The following ADGRL1 variants were observed in gnomAD, a reference collection of about 807,000 sequenced individuals.
ADGRL1 encodes the protein CIRL-1.
ADGRL1 carries 31 observed loss-of-function variants against 148.9 expected under a neutral mutation model. The observed-to-expected ratio is 0.21, with a 90% CI of 0.16 to 0.28. The LOEUF (loss-of-function observed/expected upper bound fraction) is 0.28. Ranked by LOEUF, ADGRL1 falls within the 10% of genes least tolerant of loss-of-function variation. The pLI is 1.00. For missense variants in ADGRL1, 1,521 were observed against 2,058.8 expected, an observed-to-expected ratio of 0.74 and a Z score of 5.05; for synonymous variants, 937 against 900.3, an observed-to-expected ratio of 1.04 and a Z score of -0.73.
In ADGRL1 at chr19:14,157,792, CTGGT is replaced by C. The variant is rs886393632; in HGVS notation, c.2535+86_2535+89del. On this transcript the variant is annotated intron_variant, in intron 13 of 22. Coordinates refer to ENST00000361434, the MANE Select transcript of ADGRL1 (RefSeq NM_014921.5). This position sits in a 1 kb window ranked among gnomAD's most constrained non-coding sequence, Gnocchi z 7.5. ...CCCACACCCATGGGGCTAGCCTCCC[CTGGT>C]ACTGCCCGTGATCTCTCTAGGATGC... 4.8e-5 allele frequency: 72 copies of C among 1,486,412 alleles called. 1 individual carries two copies. Among genetic ancestry groups the C allele is most frequent in the South Asian group, 2.9e-4 (22 of 76,904 alleles). 92.1% of individuals were successfully genotyped at this position (1,486,412 alleles called of 1,614,324 possible).
At chr19:14,177,826 C>T in intron 2 of ADGRL1, 82 bp from the exon 3 acceptor site, 2 of 1,293,538 alleles carry the variant, frequency 1.5e-6, no homozygotes, top group Non-Finnish European at 2.1e-6. Context: ...GAAAACACCA[C>T]CTCTGGCTCG....
At position 14,163,163 on chromosome 19, in the gene ADGRL1, A is replaced by C. The variant is rs748302525; in HGVS notation, c.638T>G (p.Val213Gly). Residue 213 changes from valine (V) to glycine (G), a missense_variant, in exon 5 of 23, where the codon GTC (valine) becomes GGC (glycine). By Grantham distance (109) the Val-to-Gly change is moderately radical (BLOSUM62 -3). Around this residue, in one of 8 missense-constraint regions of ADGRL1, gnomAD observed 334 missense variants for 512.5 expected, o/e 0.65. Coordinates refer to ENST00000361434, the MANE Select transcript of ADGRL1 (RefSeq NM_014921.5). Reference protein sequence around the residue: ...PNRVDGTGFVVYDGAVFYNKE... With the variant: ...PNRVDGTGFVGYDGAVFYNKE... Reference sequence around the variant, plus strand: ...GTTGTAGAAGACGGCACCATCGTAGACCACAAAGCCTGTGCCATCCACGCG... The same window carrying C: ...GTTGTAGAAGACGGCACCATCGTAGCCCACAAAGCCTGTGCCATCCACGCG... 1.2e-6 allele frequency: 2 copies of C among 1,613,876 alleles called. No individual in the cohort carries two copies. Among genetic ancestry groups the C allele is most frequent in the Admixed American group, 1.7e-5 (1 of 60,018 alleles).
intron 1 of ADGRL1, among the ~76,000 whole-genome samples, chr19:14,196,029 A>G (rs1599517002): frequency 6.6e-6 from 1 of 151,542 alleles, no homozygotes; most frequent in Admixed American, 6.6e-5. Context: ...GAGTCCACTC[A>G]CCTCTCGCCA....
At chr19:14,187,664 C>CCCG (rs1416387265) in intron 1 of ADGRL1, among the ~76,000 whole-genome samples, 2 of 151,506 alleles carry the variant, frequency 1.3e-5, no homozygotes, top group African/African-American at 4.9e-5. Flanking sequence ...AGCGTGTTAC[C>CCCG]CCGCCGCCGC....
At chr19:14,200,623 A>AT (rs1192927436) in intron 1 of ADGRL1, among the ~76,000 whole-genome samples, 1 of 152,056 alleles carries the variant, frequency 6.6e-6, no homozygotes, top group Admixed American at 6.6e-5. Flanking sequence ...TTACGTATAT[A>AT]TTTTTTTGAG....
chr19:14,161,229 G>T lies in ADGRL1; in HGVS notation c.1510+83C>A, dbSNP rs1969333573. 1 of 1,320,360 alleles carries T rather than the reference G, an allele frequency of 7.6e-7. No individual in the cohort carries two copies. Among genetic ancestry groups the T allele is most frequent in the Non-Finnish European group, 1.0e-6 (1 of 994,270 alleles). The allele number at this position is 1,320,360 out of a possible 1,614,324, so 81.8% of individuals were successfully genotyped here. On this transcript the variant is annotated intron_variant, in intron 6 of 22. Coordinates refer to ENST00000361434, the MANE Select transcript of ADGRL1 (RefSeq NM_014921.5). This position sits in a 1 kb window ranked among gnomAD's most constrained non-coding sequence, Gnocchi z 4.4. ...CAGAAAACCTCTGCTCCGCAGTAGA[G>T]ACCCCCACCCACACATGCATCTGTG...
At position 14,152,263 on chromosome 19, in the gene ADGRL1, C is replaced by T. The variant is rs1215446986; in HGVS notation, c.3649+46G>A. 6 of 1,610,654 alleles carry T rather than the reference C, an allele frequency of 3.7e-6. No homozygotes were observed. Among genetic ancestry groups the T allele is most frequent in the Non-Finnish European group, 5.1e-6 (6 of 1,177,676 alleles). On this transcript the variant is annotated intron_variant, in intron 21 of 22. Coordinates refer to ENST00000361434, the MANE Select transcript of ADGRL1 (RefSeq NM_014921.5). The surrounding 1 kb of genome is among the most constrained non-coding windows in gnomAD (Gnocchi z 6.1). ...TCCCATGCAGAGGTCCCTTGGGACA[C>T]AAACCCTCCATTTCCCAACCTGGGA... is the stretch of plus-strand genomic sequence containing the variant.
chr19:14,157,451 G>A lies in ADGRL1; in HGVS notation c.2545C>T (p.Arg849Cys), dbSNP rs748380369. Residue 849 changes from arginine to cysteine, a missense_variant, in exon 14 of 23, where the codon CGC becomes TGC. By Grantham distance (180) the Arg-to-Cys change is radical. Transcript: ENST00000361434. This position sits in a 1 kb window ranked among gnomAD's most constrained non-coding sequence, Gnocchi z 7.5. ...ACCGACAGCAGCAGCTCGTTGATGCGGCCCTGGTACTGGGGACAGGAACAG... is the reference window on the plus strand; with the variant it reads ...ACCGACAGCAGCAGCTCGTTGATGCAGCCCTGGTACTGGGGACAGGAACAG... ...LMAHREIYQG[R>C]INELLLSVIT... 1 of 1,613,966 alleles carries A rather than the reference G, an allele frequency of 6.2e-7. No homozygotes were observed. The highest frequency in any genetic ancestry group is 8.5e-7 in the Non-Finnish European group (1 of 1,179,998).
chr19:14,155,347 C>T lies in ADGRL1; in HGVS notation c.3294+12G>A. On this transcript the variant is annotated intron_variant, in intron 18 of 22. Transcript: ENST00000361434. The surrounding 1 kb of genome is among the most constrained non-coding windows in gnomAD (Gnocchi z 5.0). ...AGGGAGGCTGTGACCCAGGACCCCG[C>T]CTCGACCTCACCTTCTTCTGTAAGG... 1 of 1,612,918 alleles carries T rather than the reference C, an allele frequency of 6.2e-7. No individual in the cohort carries two copies. Among genetic ancestry groups the T allele is most frequent in the Non-Finnish European group, 8.5e-7 (1 of 1,179,276 alleles).
At chr19:14,198,504 T>C (rs1468098541) in intron 1 of ADGRL1, among the ~76,000 whole-genome samples, 1 of 152,046 alleles carries the variant, frequency 6.6e-6, no homozygotes, top group African/African-American at 2.4e-5. Context: ...TGGCCTCCCT[T>C]CCTGCCAACT....
chr19:14,196,167 G>A (rs546327461), intron 1 of ADGRL1, among the ~76,000 whole-genome samples: 11 of 152,302 alleles, frequency 7.2e-5, no homozygotes, highest in Non-Finnish European at 1.5e-4. Context: ...CTCGAGGCGA[G>A]AACAATCTTT....
Position 14,152,527 on chromosome 19 carries a change from G to A in ADGRL1, c.3510C>T (p.Thr1170=). The A allele has an allele frequency of 6.2e-7, 1 of 1,614,088 alleles. No individual in the cohort carries two copies. ...FMAGDINSTP[T]LNRGTMGNHL... ...AGGATGCCTTCTCACCTCGGTTCAG[G>A]GTGGGGGTGCTGTTGATGTCACCCG... is the stretch of plus-strand genomic sequence containing the variant. The change falls in exon 20 of 23, where the codon ACC becomes ACT. Residue 1170 remains threonine (T), a synonymous_variant. Coordinates refer to ENST00000361434, the MANE Select transcript of ADGRL1 (RefSeq NM_014921.5). The surrounding 1 kb of genome is among the most constrained non-coding windows in gnomAD (Gnocchi z 6.1).
intron 3 of ADGRL1, among the ~76,000 whole-genome samples, chr19:14,175,312 C>T (rs183428663): frequency 1.6e-3 from 236 of 152,248 alleles, no homozygotes; most frequent in African/African-American, 5.4e-3. Flanking sequence ...GTCAACCACA[C>T]ACAAACCCTC....
Position 14,158,459 on chromosome 19 carries a change from G to T in ADGRL1, c.2243C>A (p.Pro748Gln). ...ATVKLAGEAG[P>Q]GGPGGASLVV... ...TAGAGAGGCGCCCCCAGGGCCACCC[G>T]GGCCTGCTTCGCCGGCCAGCTTCAC... The change falls in exon 12 of 23, where the codon CCG becomes CAG. Residue 748 changes from proline to glutamine, a missense_variant. Physicochemically the swap from Pro to Gln is moderately conservative, Grantham distance 76. Coordinates refer to ENST00000361434, the MANE Select transcript of ADGRL1 (RefSeq NM_014921.5). 1 of 1,613,904 alleles carries T rather than the reference G, an allele frequency of 6.2e-7. No individual in the cohort carries two copies. Among genetic ancestry groups the T allele is most frequent in the Non-Finnish European group, 8.5e-7 (1 of 1,180,004 alleles).
chr19:14,204,753 A>G (rs1310343678), intron 1 of ADGRL1, among the ~76,000 whole-genome samples: 1 of 151,816 alleles, frequency 6.6e-6, no homozygotes, highest in Non-Finnish European at 1.5e-5. Context: ...AGACAGAGAG[A>G]GAGAGAGCGC....
chr19:14,177,459 G>A (rs368592903), intron 3 of ADGRL1, 72 bp downstream of exon 3: 37 of 1,352,098 alleles, frequency 2.7e-5, no homozygotes, highest in South Asian at 2.4e-4. Context: ...TAAGGTGAAC[G>A]GGTGTGCTGG....
At chr19:14,168,579 C>A (rs531238004) in intron 4 of ADGRL1, among the ~76,000 whole-genome samples, 2 of 151,694 alleles carry the variant, frequency 1.3e-5, no homozygotes, top group African/African-American at 4.9e-5. Flanking sequence ...AGCCCCTGGA[C>A]CACGCTCAGG....
chr19:14,197,479 A>G (rs981727823), intron 1 of ADGRL1, among the ~76,000 whole-genome samples: 1 of 151,812 alleles, frequency 6.6e-6, no homozygotes, highest in African/African-American at 2.4e-5. Flanking sequence ...CTCCCTGCCT[A>G]CAACCCTCCA....
intron 1 of ADGRL1, among the ~76,000 whole-genome samples, chr19:14,202,745 A>G (rs1191110312): frequency 1.3e-5 from 2 of 152,104 alleles, no homozygotes; most frequent in African/African-American, 4.8e-5. Context: ...CAGGTGCACA[A>G]AAGATGCAGA....
Sources: allele counts gnomAD v4.1 joint callset (sites outside exome capture counted in the v4.1 genomes callset), GRCh38; gene constraint gnomAD v4.1.1; regional missense constraint gnomAD v4.1.1; non-coding constraint Gnocchi (gnomAD v3.1); transcripts MANE v1.5; gene names NCBI Gene and HGNC (gene_info 2026-07-23, HGNC 2026-07-21).